Variants in PTPRF observed in about 807,000 individuals in gnomAD.
The protein encoded by PTPRF is protein tyrosine phosphatase receptor type F, also known as receptor-type tyrosine-protein phosphatase F.
PTPRF carries 59 observed loss-of-function variants against 201.8 expected under a neutral mutation model. The observed-to-expected ratio is 0.29, with a 90% confidence interval of 0.24 to 0.36. PTPRF has a LOEUF of 0.36. PTPRF is among the 10% of genes least tolerant of loss of function. The pLI, the probability that PTPRF is intolerant of heterozygous loss-of-function variation, is 1.00. For missense variants in PTPRF, 2,132 were observed against 2,690.5 expected, an observed-to-expected ratio of 0.79 and a Z score of 4.59; for synonymous variants, 1,088 against 1,089.7, an observed-to-expected ratio of 1.00 and a Z score of 0.03.
chr1:43,590,918 G>C (rs1245734544), intron 8 of PTPRF, 54 bp from the exon 9 acceptor site: 2 of 1,476,348 alleles, frequency 1.4e-6, no homozygotes, highest in Non-Finnish European at 1.9e-6. Flanking sequence ...GTCTAGGGTT[G>C]GTTCCTAAGG....
At chr1:43,563,906 C>G (rs1474082484) in intron 5 of PTPRF, among the ~76,000 whole-genome samples, 21 of 152,006 alleles carry the variant, frequency 1.4e-4, no homozygotes, top group Admixed American at 1.4e-3. Flanking sequence ...AGGGCATGGC[C>G]CCTGGGTTCT....
rs201048136 is a variant in PTPRF, at chr1:43,598,845, G to A, written c.2245G>A (p.Val749Met). ...GATCCGCGGCTACCAGGTCACCTAC[G>A]TGCGGCTGGAGAATGGCGAGCCCCG... ...GQIRGYQVTY[V>M]RLENGEPRGL... Residue 749 changes from valine to methionine, a missense_variant, in exon 13 of 34, where the codon GTG becomes ATG. Physicochemically the swap from Val to Met is conservative, Grantham distance 21 (BLOSUM62 1). This residue lies in a region of PTPRF where 818 missense variants were observed against 915.3 expected (regional missense o/e 0.89). Coordinates refer to ENST00000359947, the MANE Select transcript of PTPRF (RefSeq NM_002840.5). The A allele has an allele frequency of 5.9e-5, 96 of 1,614,074 alleles. No individual in the cohort carries two copies. The highest frequency in any genetic ancestry group is 1.2e-4 in the African/African-American group (9 of 74,940).
chr1:43,596,263 GC>G (rs1570464075), intron 11 of PTPRF, among the ~76,000 whole-genome samples: 1 of 152,288 alleles, frequency 6.6e-6, no homozygotes, highest in East Asian at 1.9e-4. Context: ...GGATGTGAGA[GC>G]CCGTGATTCT....
chr1:43,620,293 G>T, intron 30 of PTPRF, 72 bp downstream of exon 30: 1 of 1,588,868 alleles, frequency 6.3e-7, no homozygotes, highest in Non-Finnish European at 8.6e-7. Flanking sequence ...GGGAGCTGCC[G>T]CCTATGTTAC....
intron 2 of PTPRF, among the ~76,000 whole-genome samples, chr1:43,541,416 C>G (rs1644354618): frequency 6.6e-6 from 1 of 152,176 alleles, no homozygotes; most frequent in Admixed American, 6.5e-5. Context: ...GACATGGCTT[C>G]TGTGTTTTGC....
chr1:43,617,296 T>C (rs1423426201), intron 23 of PTPRF, 149 bp from the exon 24 acceptor site: 2 of 1,148,796 alleles, frequency 1.7e-6, no homozygotes, highest in Non-Finnish European at 1.2e-6. Context: ...GTGAGCTCCA[T>C]GGCTGGCACC....
At position 43,591,132 on chromosome 1, in the gene PTPRF, C is replaced by T; in HGVS notation, c.1110C>T (p.Ala370=). The change falls in exon 9 of 34, where the codon GCC becomes GCT. Residue 370 remains alanine (A), a synonymous_variant. Coordinates refer to ENST00000359947, the MANE Select transcript of PTPRF (RefSeq NM_002840.5). ...CCTTTCAGGAGGTGGATGGTGTGGC[C>T]ACCACCCGCTACAGCATTGGCGGCC... ...EGPFQEVDGV[A]TTRYSIGGLS... is the part of the protein sequence containing the mutation. 6.2e-7 allele frequency: 1 copy of T among 1,613,648 alleles called. No individual in the cohort carries two copies. The highest frequency in any genetic ancestry group is 8.5e-7 in the Non-Finnish European group (1 of 1,180,032).
chr1:43,568,409 C>G (rs1375413429), intron 5 of PTPRF, among the ~76,000 whole-genome samples: 2 of 152,184 alleles, frequency 1.3e-5, no homozygotes, highest in Admixed American at 1.3e-4. Context: ...CCTGTCTGCC[C>G]CAGTGGCTCA....
chr1:43,562,606 C>CGA (rs1462135332), intron 5 of PTPRF, among the ~76,000 whole-genome samples: 1 of 151,446 alleles, frequency 6.6e-6, no homozygotes, highest in Non-Finnish European at 1.5e-5. Context: ...TGGGGTTTCA[C>CGA]GAAACATGTT....
intron 25 of PTPRF, among the ~76,000 whole-genome samples, chr1:43,618,271 G>A (rs1658356880): frequency 6.6e-6 from 1 of 152,182 alleles, no homozygotes; most frequent in Admixed American, 6.5e-5. Flanking sequence ...AGTGGAAAGA[G>A]CTGCTGTTAT....
chr1:43,556,495 C>T (rs896747991), intron 5 of PTPRF, among the ~76,000 whole-genome samples: 1 of 152,156 alleles, frequency 6.6e-6, no homozygotes, highest in African/African-American at 2.4e-5. Context: ...CTCCTGACCT[C>T]GCCCGCCTTG....
chr1:43,605,660 T>G, intron 19 of PTPRF, 38 bp downstream of exon 19: 1 of 1,578,224 alleles, frequency 6.3e-7, no homozygotes, highest in Non-Finnish European at 8.7e-7. Flanking sequence ...ACAGCCCCAT[T>G]GCAGTGGTCA....
rs1189436278 is a variant in PTPRF at position 43,553,627 on chromosome 1, A to T, written c.227A>T (p.Gln76Leu). 1.2e-6 allele frequency: 2 copies of T among 1,614,142 alleles called. No individual in the cohort carries two copies. The highest frequency in any genetic ancestry group is 1.7e-6 in the Non-Finnish European group (2 of 1,180,024). Residue 76 changes from glutamine (Q) to leucine (L), a missense_variant, in exon 4 of 34, where the codon CAG becomes CTG. This residue lies in a region of PTPRF where 297 missense variants were observed against 454.0 expected (regional missense o/e 0.65). Coordinates refer to ENST00000359947, the MANE Select transcript of PTPRF (RefSeq NM_002840.5). This position sits in a 1 kb window ranked among gnomAD's most constrained non-coding sequence, Gnocchi z 4.1. ...WMKKGKKVSS[Q>L]RFEVIEFDDG... is the part of the protein sequence containing the mutation. ...AAGAAGGGGAAGAAAGTCAGCTCCC[A>T]GCGCTTCGAGGTGCGTCTGTGGTGG...
At position 43,568,621 on chromosome 1, in the gene PTPRF, A is replaced by G. The variant is rs1646352397; in HGVS notation, c.380-969A>G. Among the ~76,000 whole-genome samples the G allele has an allele frequency of 2.6e-5, 4 of 152,304 alleles. No individual in the cohort carries two copies. In the South Asian group the frequency reaches 8.3e-4, roughly 32 times the overall value. On this transcript the variant is annotated intron_variant, in intron 5 of 33. Coordinates refer to ENST00000359947, the MANE Select transcript of PTPRF (RefSeq NM_002840.5). ...AAAGCTAGTTCGTGGTGAACGTGGG[A>G]GTCCCATTTGATCTATACTAGTCCT...
chr1:43,605,655 C>T (rs757220346), intron 19 of PTPRF, 33 bp downstream of exon 19: 2 of 1,591,684 alleles, frequency 1.3e-6, no homozygotes, highest in East Asian at 4.5e-5. Context: ...CACTGACAGC[C>T]CCATTGCAGT....
At chr1:43,618,224 G>A (rs1265433829) in intron 25 of PTPRF, among the ~76,000 whole-genome samples, 1 of 152,154 alleles carries the variant, frequency 6.6e-6, no homozygotes, top group African/African-American at 2.4e-5. Flanking sequence ...AGATGCTGGA[G>A]TGTTCCTGGG....
intron 7 of PTPRF, among the ~76,000 whole-genome samples, chr1:43,584,051 C>G (rs139162023): frequency 3.3e-4 from 50 of 152,302 alleles, no homozygotes; most frequent in African/African-American, 1.2e-3. Flanking sequence ...GGAGACTGTC[C>G]TTGAGCCCAT....
chr1:43,567,408 TATTTACAGCCAAGGA>T (rs1646259857), intron 5 of PTPRF, among the ~76,000 whole-genome samples: 1 of 151,682 alleles, frequency 6.6e-6, no homozygotes, highest in African/African-American at 2.4e-5. Flanking sequence ...TGTGGGATCA[TATTTACAGCCAAGGA>T]GACACTGGGT....
intron 20 of PTPRF, among the ~76,000 whole-genome samples, 170 bp from the exon 21 acceptor site, chr1:43,606,644 C>T (rs1655189085): frequency 6.6e-6 from 1 of 152,148 alleles, no homozygotes; most frequent in African/African-American, 2.4e-5. Flanking sequence ...ACCCAGAGGC[C>T]AGACCTAATG....
Sources: allele counts gnomAD v4.1 joint callset (sites outside exome capture counted in the v4.1 genomes callset), GRCh38; gene constraint gnomAD v4.1.1; regional missense constraint gnomAD v4.1.1; non-coding constraint Gnocchi (gnomAD v3.1); transcripts MANE v1.5; gene names NCBI Gene and HGNC (gene_info 2026-07-23, HGNC 2026-07-21).